Variants in A2M observed in about 807,000 individuals in gnomAD.
A2M encodes C3 and PZP-like alpha-2-macroglobulin domain-containing protein 5.
Under a neutral mutation model 183.9 loss-of-function variants are expected in A2M, and 128 were observed. That is an observed-to-expected ratio of 0.70 (90% CI 0.60 to 0.81). The LOEUF (loss-of-function observed/expected upper bound fraction) is 0.81. Among genes scored for constraint, A2M ranks in the 30% least tolerant of loss-of-function variants. A2M has a pLI of 0.00. For synonymous variants in A2M, 592 were observed against 670.8 expected (o/e 0.88, Z 1.81); for missense variants, 1,495 against 1,787.6 (o/e 0.84, Z 2.95).
chr12:9,070,717 A>G, intron 31 of A2M, 139 bp from the exon 32 acceptor site: 1 of 622,468 alleles, frequency 1.6e-6, no homozygotes, highest in East Asian at 2.8e-5. Context: ...TGGTTTGTAA[A>G]AGTGGTGTGC....
intron 28 of A2M, among the ~76,000 whole-genome samples, chr12:9,075,850 T>A (rs1948734316): frequency 6.6e-6 from 1 of 152,236 alleles, no homozygotes; most frequent in Non-Finnish European, 1.5e-5. Context: ...TCGGTAATTT[T>A]CTATTTCTTA....
intron 10 of A2M, among the ~76,000 whole-genome samples, chr12:9,104,869 A>G (rs769269987): frequency 6.6e-6 from 1 of 152,162 alleles, no homozygotes; most frequent in Non-Finnish European, 1.5e-5. Flanking sequence ...TTAACTTCCT[A>G]TAGATTAGTG....
Position 9,068,197 on chromosome 12 carries a change from GC to G in A2M, c.4393del (p.Ala1465LeufsTer37). The stretch of plus-strand genomic sequence containing the variant: ...GAGTGGCTTACCTTTGCTGCAAGGA[GC>G]ATTGTACTCAGCAATTGCAAACTCA... ...TDEFAIAEYN[A>X]PCSKDLGNA On this transcript the variant is annotated frameshift_variant, in exon 35 of 36. Transcript: ENST00000318602. LOFTEE classifies it high-confidence loss of function. 4 of 1,611,080 alleles carry G rather than the reference GC, an allele frequency of 2.5e-6. No homozygotes were observed. Among genetic ancestry groups the G allele is most frequent in the Non-Finnish European group, 3.4e-6 (4 of 1,179,454 alleles).
chr12:9,111,913 G>T, intron 4 of A2M: 1 of 613,542 alleles, frequency 1.6e-6, no homozygotes, highest in Non-Finnish European at 3.1e-6. Context: ...TCCTAATTAA[G>T]AACCATCCGA....
chr12:9,110,097 TATCTATGG>T, intron 5 of A2M, 62 bp from the exon 6 acceptor site: 1 of 1,532,508 alleles, frequency 6.5e-7, no homozygotes, highest in Non-Finnish European at 8.8e-7. Context: ...TAATAAAAGA[TATCTATGG>T]AAACCCTAAG....
chr12:9,095,097 T>A lies in A2M; in HGVS notation c.2014-13A>T, dbSNP rs752785500. ...TTAAGCCCATGTCCTGCAAAGAAAA[T>A]TATCATCTAATCAGTAAATATATAT... is the stretch of plus-strand genomic sequence containing the variant. On this transcript the variant is annotated splice_polypyrimidine_tract_variant and intron_variant, in intron 16 of 35. Coordinates refer to ENST00000318602, the MANE Select transcript of A2M (RefSeq NM_000014.6). 19 of 1,369,962 alleles carry A rather than the reference T, an allele frequency of 1.4e-5. No individual in the cohort carries two copies. The African/African-American group carries it at 2.5e-4, about 18-fold the overall frequency. The allele number at this position is 1,369,962 out of a possible 1,614,324, so 84.9% of individuals were successfully genotyped here.
At chr12:9,103,908 G>A (rs761098353) in intron 11 of A2M, among the ~76,000 whole-genome samples, 1 of 152,190 alleles carries the variant, frequency 6.6e-6, no homozygotes, top group African/African-American at 2.4e-5. Flanking sequence ...CCCCGTTTTC[G>A]ATTCTTTTGA....
At chr12:9,101,368 T>C (rs1479614141) in intron 12 of A2M, 79 bp downstream of exon 12, 2 of 1,362,556 alleles carry the variant, frequency 1.5e-6, no homozygotes, top group East Asian at 2.5e-5. Context: ...AGTAATGACA[T>C]CTAAAGAGCT....
At position 9,068,227 on chromosome 12, in the gene A2M, G is replaced by GAA. The variant is rs369199005; in HGVS notation, c.4367-5_4367-4dup. On this transcript the variant is annotated splice_polypyrimidine_tract_variant and splice_region_variant and intron_variant, in intron 34 of 35. Coordinates refer to ENST00000318602, the MANE Select transcript of A2M (RefSeq NM_000014.6). ...GTACTCAGCAATTGCAAACTCATCT[G>GAA]AAAAAAAAAAAACCAACAAAAAACC... is the stretch of plus-strand genomic sequence containing the variant. The GAA allele has an allele frequency of 1.1e-4, 149 of 1,298,252 alleles. No homozygotes were observed. Among genetic ancestry groups the GAA allele is most frequent in the Admixed American group, 4.9e-4 (24 of 48,934 alleles). The allele number at this position is 1,298,252 out of a possible 1,614,324, so 80.4% of individuals were successfully genotyped here.
At position 9,095,103 on chromosome 12, in the gene A2M, T is replaced by C. The variant is rs1427363429; in HGVS notation, c.2014-19A>G. The C allele has an allele frequency of 7.9e-7, 1 of 1,272,956 alleles. No homozygotes were observed. Among genetic ancestry groups the C allele is most frequent in the Non-Finnish European group, 1.1e-6 (1 of 906,326 alleles). The allele number at this position is 1,272,956 out of a possible 1,614,324, so 78.9% of individuals were successfully genotyped here. A position where few individuals can be genotyped will look rare whatever the true frequency, so the allele number is the denominator to read the frequency against. The stretch of plus-strand genomic sequence containing the variant: ...CCATGTCCTGCAAAGAAAATTATCA[T>C]CTAATCAGTAAATATATATTATAAA... On this transcript the variant is annotated intron_variant, in intron 16 of 35. Transcript: ENST00000318602.
intron 11 of A2M, among the ~76,000 whole-genome samples, chr12:9,103,137 T>C (rs943035714): frequency 3.9e-5 from 6 of 152,214 alleles, no homozygotes; most frequent in African/African-American, 1.4e-4. Flanking sequence ...TTTTGGAGTA[T>C]ATATATTTAA....
In A2M at chr12:9,081,066, A is replaced by G. The variant is rs139662089; in HGVS notation, c.2771-889T>C. On this transcript the variant is annotated intron_variant, in intron 22 of 35. Transcript: ENST00000318602. Reference sequence around the variant, plus strand: ...AAATTAATGTTAAAACTTTTGTAAAAAAACAGATGCCATAAACAAAGTTAA... The same window carrying G: ...AAATTAATGTTAAAACTTTTGTAAAGAAACAGATGCCATAAACAAAGTTAA... Among the ~76,000 whole-genome samples the G allele has an allele frequency of 4.0e-3, 611 of 152,288 alleles. 14 individuals carry two copies. Among genetic ancestry groups the G allele is most frequent in the Admixed American group, 0.035 (534 of 15,298 alleles).
rs1423080026 is a variant in A2M at position 9,079,792 on chromosome 12, G to T, written c.2878C>A (p.Gln960Lys). The T allele has an allele frequency of 6.2e-7, 1 of 1,610,586 alleles. No homozygotes were observed. Among genetic ancestry groups the T allele is most frequent in the South Asian group, 1.1e-5 (1 of 90,196 alleles). Reference protein sequence around the residue: ...VLGDILGSAMQNTQNLLQMPY... With the variant: ...VLGDILGSAMKNTQNLLQMPY... ...ATCTGGAGAAGATTTTGTGTGTTTT[G>T]CATGGCAGAGCCTAATATGTCTCCT... Residue 960 changes from glutamine to lysine, a missense_variant, in exon 24 of 36, where the codon CAA becomes AAA. Transcript: ENST00000318602.
chr12:9,099,269 T>C (rs751901937), intron 14 of A2M, 112 bp downstream of exon 14: 18 of 987,732 alleles, frequency 1.8e-5, no homozygotes, highest in Middle Eastern at 4.2e-4. Context: ...TGAATGTCTC[T>C]GGGGAATTTG....
chr12:9,069,762 A>G lies in A2M; in HGVS notation c.4246T>C (p.Leu1416=), dbSNP rs1420674893. The part of the protein sequence containing the change: ...SRTEVSSNHV[L]IYLDKVSNQT... ...TCTCTTACCTTATCAAGGTAAATCAAGACATGGTTGCTGCTGACTTCTGTC... is the reference window on the plus strand; with the variant it reads ...TCTCTTACCTTATCAAGGTAAATCAGGACATGGTTGCTGCTGACTTCTGTC... The change falls in exon 33 of 36, where the codon TTG becomes CTG. Residue 1416 remains leucine (L), a synonymous_variant. Coordinates refer to ENST00000318602, the MANE Select transcript of A2M (RefSeq NM_000014.6). 1 of 1,612,730 alleles carries G rather than the reference A, an allele frequency of 6.2e-7. No individual in the cohort carries two copies. The highest frequency in any genetic ancestry group is 2.2e-5 in the East Asian group (1 of 44,834).
intron 25 of A2M, among the ~76,000 whole-genome samples, chr12:9,078,392 AG>A (rs1194118492): frequency 6.6e-6 from 1 of 152,192 alleles, no homozygotes; most frequent in Non-Finnish European, 1.5e-5. Context: ...ATTGCTGCAT[AG>A]TATTCCATGA....
At chr12:9,112,603 G>T in intron 2 of A2M, 67 bp from the exon 3 acceptor site, 2 of 1,563,772 alleles carry the variant, frequency 1.3e-6, no homozygotes, top group Middle Eastern at 2.1e-4. Context: ...ATTTGCTGTT[G>T]CACTCTTCCC....
intron 8 of A2M, among the ~76,000 whole-genome samples, 177 bp from the exon 9 acceptor site, chr12:9,106,782 T>G (rs1249843102): frequency 6.6e-6 from 1 of 152,220 alleles, no homozygotes; most frequent in East Asian, 1.9e-4. Context: ...CAATATCTCA[T>G]GTATAATTGA....
chr12:9,111,052 G>A (rs1938691112), intron 4 of A2M, among the ~76,000 whole-genome samples: 1 of 152,078 alleles, frequency 6.6e-6, no homozygotes, highest in East Asian at 1.9e-4. Flanking sequence ...GAATTCTTAC[G>A]TAGTTCTAAG....
Sources: allele counts gnomAD v4.1 joint callset (sites outside exome capture counted in the v4.1 genomes callset), GRCh38; gene constraint gnomAD v4.1.1; transcripts MANE v1.5; gene names NCBI Gene and HGNC (gene_info 2026-07-23, HGNC 2026-07-21).